SOS2: variants seen among roughly 807,000 people sequenced by gnomAD.
The protein encoded by SOS2 is son of sevenless homolog 2.
Under a neutral mutation model 148.2 loss-of-function variants are expected in SOS2, and 65 were observed. The ratio of observed to expected loss-of-function variants is 0.44; its 90% confidence interval spans 0.36 to 0.54. The LOEUF is 0.54. Ranked by LOEUF, SOS2 falls within the 20% of genes least tolerant of loss-of-function variation. The pLI is 0.00. For synonymous variants in SOS2, 539 were observed against 537.1 expected (o/e 1.00, Z -0.05); for missense variants, 1,341 against 1,590.2 (o/e 0.84, Z 2.67).
chr14:50,133,197 A>G (rs374962429), intron 19 of SOS2, among the ~76,000 whole-genome samples: 41 of 141,504 alleles, frequency 2.9e-4, no homozygotes, highest in East Asian at 2.3e-3. Flanking sequence ...CATCAAAAAA[A>G]TTTATCTTTT....
rs899132362 is a variant in SOS2, at chr14:50,118,955, C to T, written c.3490-102G>A. 10 of 683,800 alleles carry T rather than the reference C, an allele frequency of 1.5e-5. No homozygotes were observed. In the African/African-American group the frequency reaches 1.8e-4, roughly 12 times the overall value. The allele number at this position is 683,800 out of a possible 1,614,324, so 42.4% of individuals were successfully genotyped here. A position where few individuals can be genotyped will look rare whatever the true frequency, so the allele number is the denominator to read the frequency against. On this transcript the variant is annotated intron_variant, in intron 22 of 22. Coordinates refer to ENST00000216373, the MANE Select transcript of SOS2 (RefSeq NM_006939.4). ...TTACTTGTCAAGTTAAATTCAGAGG[C>T]TCAAAATAAACTAATCTGGGTTAAT...
intron 8 of SOS2, among the ~76,000 whole-genome samples, chr14:50,163,770 C>T (rs1232851677): frequency 1.3e-5 from 2 of 152,124 alleles, no homozygotes; most frequent in Non-Finnish European, 2.9e-5. Flanking sequence ...TGACATCAAA[C>T]ACTTAATTAG....
At chr14:50,182,328 G>T in intron 6 of SOS2, 135 bp downstream of exon 6, 1 of 736,396 alleles carries the variant, frequency 1.4e-6, no homozygotes, top group Non-Finnish European at 2.2e-6. Flanking sequence ...CCACAGATGG[G>T]CACTACCATG....
intron 8 of SOS2, among the ~76,000 whole-genome samples, chr14:50,165,655 C>G (rs10135152): frequency 6.6e-6 from 1 of 152,134 alleles, no homozygotes; most frequent in Non-Finnish European, 1.5e-5. Flanking sequence ...CCTAGGGACA[C>G]GTTTTATTCC....
At chr14:50,124,843 T>C (rs1489736628) in intron 21 of SOS2, among the ~76,000 whole-genome samples, 9 of 152,374 alleles carry the variant, frequency 5.9e-5, no homozygotes, top group African/African-American at 2.2e-4. Flanking sequence ...TTGCTATGAA[T>C]ATTTTATTTT....
At chr14:50,215,353 C>T (rs2139834237) in intron 1 of SOS2, 1 of 1,259,742 alleles carries the variant, frequency 7.9e-7, no homozygotes, top group South Asian at 1.3e-5. Flanking sequence ...TAAAAATAAA[C>T]ACACAATGTT....
chr14:50,154,888 T>C (rs1323217673), intron 12 of SOS2, among the ~76,000 whole-genome samples: 1 of 152,174 alleles, frequency 6.6e-6, no homozygotes, highest in Non-Finnish European at 1.5e-5. Flanking sequence ...CATGTATTTG[T>C]TAAAACTCAA....
At chr14:50,204,537 GA>G (rs1220003123) in intron 1 of SOS2, 128 bp from the exon 2 acceptor site, 1 of 595,300 alleles carries the variant, frequency 1.7e-6, no homozygotes, top group Non-Finnish European at 2.8e-6. Flanking sequence ...ACAAAATGAA[GA>G]AAAAAACTAT....
intron 21 of SOS2, among the ~76,000 whole-genome samples, chr14:50,121,959 G>T (rs928091889): frequency 6.6e-6 from 1 of 152,180 alleles, no homozygotes; most frequent in African/African-American, 2.4e-5. Context: ...GCAAGGAATA[G>T]GCATGGGACT....
intron 16 of SOS2, among the ~76,000 whole-genome samples, chr14:50,141,775 G>A (rs752886446): frequency 1.3e-5 from 2 of 152,132 alleles, no homozygotes; most frequent in Non-Finnish European, 2.9e-5. Flanking sequence ...ATTCTAAAAT[G>A]TATATAGGAG....
chr14:50,192,534 C>T (rs889544689), intron 4 of SOS2, among the ~76,000 whole-genome samples: 2 of 150,678 alleles, frequency 1.3e-5, no homozygotes, highest in Non-Finnish European at 3.0e-5. Context: ...CCAGCCTGGG[C>T]GAAAGAGCAA....
intron 14 of SOS2, among the ~76,000 whole-genome samples, chr14:50,149,665 C>T (rs1445432144): frequency 1.3e-5 from 2 of 152,214 alleles, no homozygotes; most frequent in African/African-American, 4.8e-5. Flanking sequence ...ACACAATATT[C>T]TATTCACTTA....
chr14:50,210,792 G>A (rs1390950348), intron 1 of SOS2, among the ~76,000 whole-genome samples: 3 of 151,938 alleles, frequency 2.0e-5, no homozygotes, highest in Non-Finnish European at 4.4e-5. Context: ...ATATTAAAAA[G>A]TGCTCTAGCT....
chr14:50,119,566 C>T (rs1038213099), intron 22 of SOS2, among the ~76,000 whole-genome samples: 58 of 151,876 alleles, frequency 3.8e-4, no homozygotes, highest in Non-Finnish European at 6.0e-4. Flanking sequence ...GAGTCTTGCT[C>T]TGTCGCCCAG....
At chr14:50,191,587 T>C (rs1886140530) in intron 4 of SOS2, among the ~76,000 whole-genome samples, 1 of 152,130 alleles carries the variant, frequency 6.6e-6, no homozygotes, top group Non-Finnish European at 1.5e-5. Context: ...TACCACCCAC[T>C]CCAGAGTTCC....
intron 4 of SOS2, among the ~76,000 whole-genome samples, chr14:50,197,936 C>T (rs1398512839): frequency 6.6e-6 from 1 of 151,160 alleles, no homozygotes; most frequent in Non-Finnish European, 1.5e-5. Flanking sequence ...GTGACCTGCC[C>T]GCCTCAGCCT....
chr14:50,121,995 T>C (rs1304244687), intron 21 of SOS2, among the ~76,000 whole-genome samples: 1 of 152,232 alleles, frequency 6.6e-6, no homozygotes, highest in Admixed American at 6.5e-5. Context: ...ATCAGATTTT[T>C]ATCTACCTCT....
At chr14:50,217,251 T>C (rs183654845) in intron 1 of SOS2, among the ~76,000 whole-genome samples, 230 of 152,108 alleles carry the variant, frequency 1.5e-3, no homozygotes, top group Middle Eastern at 6.8e-3. Flanking sequence ...CAACCAGATA[T>C]CCATATACAA....
At chr14:50,212,913 G>A (rs777659292) in intron 1 of SOS2, among the ~76,000 whole-genome samples, 17 of 151,946 alleles carry the variant, frequency 1.1e-4, no homozygotes, top group Admixed American at 1.0e-3. Flanking sequence ...TGTTCAGCCT[G>A]GAATCCAAGA....
Sources: gnomAD v4.1 joint callset for allele counts (sites outside exome capture counted in the v4.1 genomes callset) on GRCh38, gnomAD v4.1.1 for gene constraint, MANE v1.5 for transcripts, NCBI Gene and HGNC (gene_info 2026-07-23, HGNC 2026-07-21) for gene names.